The following CCSER2 variants were observed in gnomAD, a reference collection of about 807,000 sequenced individuals.
CCSER2 encodes coiled-coil serine rich protein 2, also known as serine-rich coiled-coil domain-containing protein 2.
CCSER2 carries 46 observed loss-of-function variants against 92.3 expected under a neutral mutation model. That is an observed-to-expected ratio of 0.50 (90% confidence interval 0.39 to 0.64). The LOEUF (loss-of-function observed/expected upper bound fraction) is 0.64, where lower values mean the gene tolerates loss of function less well. Among genes scored for constraint, CCSER2 ranks in the 30% least tolerant of loss-of-function variants. The pLI is 0.00. For synonymous variants in CCSER2, 433 were observed against 431.4 expected (o/e 1.00, Z -0.04); for missense variants, 1,244 against 1,238.9 (o/e 1.00, Z -0.06).
chr10:84,488,580 G>T (rs1847949642), intron 9 of CCSER2, among the ~76,000 whole-genome samples: 1 of 152,042 alleles, frequency 6.6e-6, no homozygotes, highest in Admixed American at 6.6e-5. Flanking sequence ...TGGGATCAGT[G>T]GTGATATCCC....
intron 9 of CCSER2, among the ~76,000 whole-genome samples, chr10:84,512,477 C>T (rs1165852115): frequency 6.7e-6 from 1 of 149,498 alleles, no homozygotes; most frequent in Non-Finnish European, 1.5e-5. Flanking sequence ...GTTGGCCCTG[C>T]CCATATATTT....
chr10:84,498,888 CTG>C (rs1429278959), intron 9 of CCSER2, among the ~76,000 whole-genome samples: 22 of 152,152 alleles, frequency 1.4e-4, no homozygotes, highest in Admixed American at 1.4e-3. Flanking sequence ...AAAGTTTTTT[CTG>C]TAAAGTGAGG....
intron 1 of CCSER2, among the ~76,000 whole-genome samples, chr10:84,332,437 T>TATATATATATATATATATA (rs57504114): frequency 2.9e-5 from 1 of 34,894 alleles, no homozygotes; most frequent in African/African-American, 2.3e-4. Context: ...TATATATATA[T>TATATATATATATATATATA]TTTTTTTTTT....
chr10:84,484,853 T>C (rs1220837706), intron 9 of CCSER2, among the ~76,000 whole-genome samples: 1 of 152,214 alleles, frequency 6.6e-6, no homozygotes, highest in East Asian at 1.9e-4. Context: ...ACATTAGTGC[T>C]GTGACTTTCT....
chr10:84,451,904 A>G (rs576600781), intron 6 of CCSER2, among the ~76,000 whole-genome samples: 81 of 152,310 alleles, frequency 5.3e-4, no homozygotes, highest in East Asian at 3.5e-3. Flanking sequence ...AATCCTCTCA[A>G]ATGTAGCTTG....
In CCSER2 at chr10:84,380,303, A is replaced by C. The variant is rs564403476; in HGVS notation, c.1614+6488A>C. On this transcript the variant is annotated intron_variant, in intron 3 of 9. Transcript: ENST00000372088. ...TTCCTTTTATGTAAATTTTTACTTC[A>C]GTGATTTTTCAGTTGGGTTTTGCCA... Among the ~76,000 whole-genome samples the C allele has an allele frequency of 1.4e-4, 21 of 152,106 alleles. No individual in the cohort carries two copies. The East Asian group carries it at 3.3e-3, about 24-fold the overall frequency.
chr10:84,448,291 T>C (rs1845054717), intron 6 of CCSER2, among the ~76,000 whole-genome samples: 1 of 152,166 alleles, frequency 6.6e-6, no homozygotes, highest in African/African-American at 2.4e-5. Context: ...TTGACTCTGA[T>C]AGCCCATGCC....
In CCSER2 at chr10:84,371,965, A is replaced by G. The variant is rs766559986; in HGVS notation, c.913A>G (p.Asn305Asp). ...AAGGKKLALP[N>D]GPGVTSTLGY... ...TGGTGGAAAGAAGTTGGCTTTACCA[A>G]ATGGCCCAGGTGTAACTTCTACTTT... The change falls in exon 2 of 10, where the codon AAT (asparagine) becomes GAT (aspartate). Residue 305 changes from asparagine to aspartate, a missense_variant. Transcript: ENST00000372088. 7 of 1,613,758 alleles carry G rather than the reference A, an allele frequency of 4.3e-6. No individual in the cohort carries two copies. Among genetic ancestry groups the G allele is most frequent in the Admixed American group, 3.3e-5 (2 of 59,986 alleles).
chr10:84,374,074 TTAATC>T lies in CCSER2; in HGVS notation c.1614+262_1614+266del, dbSNP rs1372950191. 9.9e-5 allele frequency: 78 copies of T among 789,298 alleles called. No homozygotes were observed. The African/African-American group carries it at 1.2e-3, about 12-fold the overall frequency. The allele number at this position is 789,298 out of a possible 1,614,324, so 48.9% of individuals were successfully genotyped here. ...CATATGTGCATACTATATTAGTAGT[TTAATC>T]TATGCCAGTGGTTCTCAAAGACTGG... On this transcript the variant is annotated intron_variant, in intron 3 of 9. Coordinates refer to ENST00000372088, the MANE Select transcript of CCSER2 (RefSeq NM_001284240.2).
At chr10:84,336,541 A>G (rs1843847357) in intron 1 of CCSER2, among the ~76,000 whole-genome samples, 1 of 152,208 alleles carries the variant, frequency 6.6e-6, no homozygotes, top group Non-Finnish European at 1.5e-5. Context: ...GAGAGAGAGT[A>G]CTTGATGAAG....
intron 3 of CCSER2, among the ~76,000 whole-genome samples, chr10:84,379,406 G>A (rs1840771558): frequency 6.6e-6 from 1 of 151,718 alleles, no homozygotes; most frequent in Non-Finnish European, 1.5e-5. Flanking sequence ...ATTGATTTTG[G>A]TTTATATCTT....
intron 6 of CCSER2, among the ~76,000 whole-genome samples, chr10:84,449,210 A>G (rs1424981761): frequency 6.6e-6 from 1 of 152,090 alleles, no homozygotes; most frequent in Non-Finnish European, 1.5e-5. Flanking sequence ...CCCCATTTCT[A>G]CTAAAAATAC....
chr10:84,385,294 G>A (rs1225869490), intron 3 of CCSER2, among the ~76,000 whole-genome samples: 1 of 151,912 alleles, frequency 6.6e-6, no homozygotes, highest in African/African-American at 2.4e-5. Context: ...ACCCCAAACA[G>A]CCAAAACAAT....
At chr10:84,449,488 A>G (rs1845136249) in intron 6 of CCSER2, among the ~76,000 whole-genome samples, 1 of 152,254 alleles carries the variant, frequency 6.6e-6, no homozygotes, top group Non-Finnish European at 1.5e-5. Flanking sequence ...AGTTTCCTAG[A>G]AAAGATAATA....
At chr10:84,445,456 ATC>A in intron 6 of CCSER2, among the ~76,000 whole-genome samples, 1 of 152,212 alleles carries the variant, frequency 6.6e-6, no homozygotes, top group Non-Finnish European at 1.5e-5. Context: ...CCTGGCCGGT[ATC>A]TCTTTAAGTC....
chr10:84,498,382 C>T (rs1302292700), intron 9 of CCSER2, among the ~76,000 whole-genome samples: 1 of 151,802 alleles, frequency 6.6e-6, no homozygotes, highest in East Asian at 1.9e-4. Flanking sequence ...ATAATAATTT[C>T]AAAAGATAAG....
chr10:84,391,384 A>C, intron 3 of CCSER2: 1 of 1,458,272 alleles, frequency 6.9e-7, no homozygotes, highest in Non-Finnish European at 9.6e-7. Flanking sequence ...ACATCCTAAC[A>C]CTAATGCATC....
intron 9 of CCSER2, among the ~76,000 whole-genome samples, chr10:84,485,965 T>G (rs2133779648): frequency 6.6e-6 from 1 of 152,318 alleles, no homozygotes; most frequent in African/African-American, 2.4e-5. Flanking sequence ...CATTGTTCAA[T>G]TCCCATCTAT....
intron 3 of CCSER2, among the ~76,000 whole-genome samples, chr10:84,401,422 G>A (rs1453714695): frequency 6.6e-6 from 1 of 152,044 alleles, no homozygotes; most frequent in Non-Finnish European, 1.5e-5. Flanking sequence ...GAGAAATTAA[G>A]CACATAAATT....
Sources: gnomAD v4.1 joint callset for allele counts (sites outside exome capture counted in the v4.1 genomes callset) on GRCh38, gnomAD v4.1.1 for gene constraint, MANE v1.5 for transcripts, NCBI Gene and HGNC (gene_info 2026-07-23, HGNC 2026-07-21) for gene names.